Variants in GPC5 observed in about 807,000 individuals in gnomAD.
GPC5 encodes glypican 5.
GPC5 carries 47 observed loss-of-function variants against 53.9 expected under a neutral mutation model. The observed-to-expected ratio is 0.87, with a 90% CI of 0.69 to 1.11. The LOEUF (loss-of-function observed/expected upper bound fraction) is 1.11, where lower values mean the gene tolerates loss of function less well. GPC5 is among the 50% of genes most tolerant of loss of function. The probability of loss-of-function intolerance (pLI) is 0.00; values close to 1 mark genes in which losing one functional copy is unlikely to be tolerated. For missense variants in GPC5, 748 were observed against 713.1 expected (o/e 1.05, Z -0.56); for synonymous variants, 286 against 263.3 (o/e 1.09, Z -0.84).
At chr13:91,550,304 T>C (rs1222266470) in intron 2 of GPC5, among the ~76,000 whole-genome samples, 2 of 152,088 alleles carry the variant, frequency 1.3e-5, no homozygotes, top group African/African-American at 4.8e-5. Context: ...CTCTGTATGA[T>C]ACTATAATGA....
chr13:91,716,899 A>G (rs2036350316), intron 3 of GPC5, among the ~76,000 whole-genome samples: 1 of 152,230 alleles, frequency 6.6e-6, no homozygotes, highest in South Asian at 2.1e-4. Flanking sequence ...GTATTAATTC[A>G]TTTGCGTAAA....
intron 7 of GPC5, among the ~76,000 whole-genome samples, chr13:92,506,590 A>C (rs1880377583): frequency 6.6e-6 from 1 of 152,058 alleles, no homozygotes; most frequent in Non-Finnish European, 1.5e-5. Flanking sequence ...TATAAAATGC[A>C]CCTCTTACTT....
chr13:91,861,754 TG>T (rs2039031497), intron 5 of GPC5, among the ~76,000 whole-genome samples: 2 of 93,156 alleles, frequency 2.1e-5, no homozygotes, highest in Admixed American at 1.2e-4. Flanking sequence ...ATCTGTTTCT[TG>T]TTTCTCTTCT....
intron 7 of GPC5, among the ~76,000 whole-genome samples, chr13:92,148,422 T>G (rs956859556): frequency 6.6e-6 from 1 of 152,120 alleles, no homozygotes; most frequent in African/African-American, 2.4e-5. Context: ...TCAACTTATT[T>G]AACCATCTTA....
intron 7 of GPC5, among the ~76,000 whole-genome samples, chr13:92,387,099 C>T (rs981040145): frequency 2.6e-5 from 4 of 152,084 alleles, no homozygotes; most frequent in Admixed American, 6.6e-5. Flanking sequence ...TGGTCCCCAA[C>T]TTGAGATGGT....
At chr13:92,007,908 C>A (rs1328982414) in intron 6 of GPC5, among the ~76,000 whole-genome samples, 1 of 152,098 alleles carries the variant, frequency 6.6e-6, no homozygotes, top group East Asian at 1.9e-4. Flanking sequence ...TATGAGGACT[C>A]CAAAACTCTA....
At chr13:92,839,212 A>T (rs530973248) in intron 7 of GPC5, among the ~76,000 whole-genome samples, 1 of 152,216 alleles carries the variant, frequency 6.6e-6, no homozygotes, top group Non-Finnish European at 1.5e-5. Context: ...ATATGTATTT[A>T]TGTATCTGTT....
At chr13:92,008,129 C>T (rs1419990369) in intron 6 of GPC5, among the ~76,000 whole-genome samples, 5 of 142,548 alleles carry the variant, frequency 3.5e-5, no homozygotes, top group Non-Finnish European at 7.5e-5. Flanking sequence ...GTGGCGCAAT[C>T]TCGGCTCACT....
At chr13:92,163,746 A>T (rs7988809) in intron 7 of GPC5, among the ~76,000 whole-genome samples, 5,841 of 152,268 alleles carry the variant, frequency 0.038, 250 homozygotes, top group African/African-American at 0.098. Flanking sequence ...TATTTCAAAG[A>T]TGAAGTTTGT....
intron 5 of GPC5, among the ~76,000 whole-genome samples, chr13:91,763,911 C>T (rs751627169): frequency 2.6e-5 from 4 of 152,126 alleles, no homozygotes; most frequent in African/African-American, 4.8e-5. Flanking sequence ...TGCGTATAAC[C>T]GATGCACATC....
At chr13:91,887,249 T>G (rs1419654420) in intron 5 of GPC5, among the ~76,000 whole-genome samples, 1 of 152,066 alleles carries the variant, frequency 6.6e-6, no homozygotes, top group Non-Finnish European at 1.5e-5. Context: ...TGTACCCTGG[T>G]GTCTCCCACC....
intron 6 of GPC5, among the ~76,000 whole-genome samples, chr13:92,060,248 A>G (rs2041111875): frequency 6.6e-6 from 1 of 152,174 alleles, no homozygotes; most frequent in East Asian, 1.9e-4. Flanking sequence ...TACATGAATT[A>G]TTGATTAAAA....
chr13:92,073,434 T>A (rs535095114), intron 6 of GPC5, among the ~76,000 whole-genome samples: 3 of 152,334 alleles, frequency 2.0e-5, no homozygotes, highest in Admixed American at 1.3e-4. Context: ...TTCCAAGGCA[T>A]TAATCAAGCA....
At chr13:92,115,277 G>A (rs1204344060) in intron 6 of GPC5, among the ~76,000 whole-genome samples, 2 of 152,218 alleles carry the variant, frequency 1.3e-5, no homozygotes, top group Admixed American at 6.5e-5. Context: ...GGGAGGCCGA[G>A]GTGGGTAGAT....
chr13:92,677,515 T>TA (rs1886986397), intron 7 of GPC5, among the ~76,000 whole-genome samples: 1 of 152,210 alleles, frequency 6.6e-6, no homozygotes. Context: ...TCCATGGACT[T>TA]ACAGCCAGTG....
chr13:92,816,175 T>G (rs995279814), intron 7 of GPC5, among the ~76,000 whole-genome samples: 1 of 152,058 alleles, frequency 6.6e-6, no homozygotes, highest in Non-Finnish European at 1.5e-5. Context: ...ACTTTCTCAA[T>G]GTGTCTGTTA....
intron 2 of GPC5, among the ~76,000 whole-genome samples, chr13:91,669,676 T>A (rs2035199229): frequency 6.6e-6 from 1 of 152,066 alleles, no homozygotes; most frequent in Non-Finnish European, 1.5e-5. Flanking sequence ...AAGGGGCAAG[T>A]TAGGTCAAAG....
At chr13:91,643,094 G>A (rs1036879698) in intron 2 of GPC5, among the ~76,000 whole-genome samples, 2 of 152,076 alleles carry the variant, frequency 1.3e-5, no homozygotes, top group African/African-American at 4.8e-5. Context: ...GCTGAGCATG[G>A]GGATGGAGGA....
intron 7 of GPC5, among the ~76,000 whole-genome samples, chr13:92,784,128 A>G (rs1876130807): frequency 6.6e-6 from 1 of 152,210 alleles, no homozygotes; most frequent in Non-Finnish European, 1.5e-5. Flanking sequence ...CAATTAAAGA[A>G]TTATTGACAA....
Sources: allele counts gnomAD v4.1 joint callset (sites outside exome capture counted in the v4.1 genomes callset), GRCh38; gene constraint gnomAD v4.1.1; transcripts MANE v1.5; gene names NCBI Gene and HGNC (gene_info 2026-07-23, HGNC 2026-07-21).